METAP1D: variants seen among roughly 807,000 people sequenced by gnomAD.
The protein encoded by METAP1D is methionyl aminopeptidase type 1D, mitochondrial, also known as methionine aminopeptidase 1D, mitochondrial.
Under a neutral mutation model 40.5 loss-of-function variants are expected in METAP1D, and 31 were observed. The observed-to-expected ratio is 0.77, with a 90% CI of 0.58 to 1.03. METAP1D has a LOEUF of 1.03. METAP1D is among the 50% of genes least tolerant of loss of function. METAP1D has a pLI of 0.00. For synonymous variants in METAP1D, 151 were observed against 146.4 expected, an observed-to-expected ratio of 1.03 and a Z score of -0.22; for missense variants, 411 against 420.7, an observed-to-expected ratio of 0.98 and a Z score of 0.20.
chr2:172,075,353 C>A (rs572023154), intron 6 of METAP1D, among the ~76,000 whole-genome samples: 1 of 152,124 alleles, frequency 6.6e-6, no homozygotes, highest in African/African-American at 2.4e-5. Context: ...AGATTTTATC[C>A]GTGAAATGTC....
At chr2:172,026,607 C>T (rs1441970311) in intron 1 of METAP1D, among the ~76,000 whole-genome samples, 1 of 152,216 alleles carries the variant, frequency 6.6e-6, no homozygotes, top group Non-Finnish European at 1.5e-5. Flanking sequence ...CCTACCTAGA[C>T]ATTCTGTTTG....
At chr2:172,049,840 A>G (rs1042109137) in intron 1 of METAP1D, among the ~76,000 whole-genome samples, 6 of 152,156 alleles carry the variant, frequency 3.9e-5, no homozygotes, top group African/African-American at 1.4e-4. Context: ...TTAGGTAGTA[A>G]TTATTGACCT....
At chr2:172,026,854 A>G (rs1689129872) in intron 1 of METAP1D, among the ~76,000 whole-genome samples, 1 of 152,184 alleles carries the variant, frequency 6.6e-6, no homozygotes, top group African/African-American at 2.4e-5. Flanking sequence ...CCAACATCCT[A>G]TCCAGAGGGA....
At chr2:172,017,235 TACAC>T (rs370746234) in intron 1 of METAP1D, among the ~76,000 whole-genome samples, 15,845 of 139,262 alleles carry the variant, frequency 0.11, 1,080 homozygotes, top group Admixed American at 0.19. Flanking sequence ...TGAAAGGTTT[TACAC>T]ACACACACAC....
At chr2:172,069,271 A>T (rs1296538021) in intron 5 of METAP1D, among the ~76,000 whole-genome samples, 2 of 152,338 alleles carry the variant, frequency 1.3e-5, no homozygotes, top group African/African-American at 4.8e-5. Flanking sequence ...AAGATTTTTT[A>T]AAATAGTACA....
chr2:172,005,550 T>A (rs1235490980), intron 1 of METAP1D, among the ~76,000 whole-genome samples: 27 of 88,928 alleles, frequency 3.0e-4, no homozygotes, highest in South Asian at 8.7e-4. Flanking sequence ...ATATATCTTT[T>A]TTTTTTTTTT....
At chr2:172,065,487 C>CT in intron 3 of METAP1D, 117 bp from the exon 4 acceptor site, 2 of 1,014,890 alleles carry the variant, frequency 2.0e-6, no homozygotes, top group East Asian at 4.8e-5. Context: ...TGTACCATAA[C>CT]TTTATCATAG....
intron 1 of METAP1D, among the ~76,000 whole-genome samples, chr2:172,018,086 C>T (rs1688919660): frequency 7.0e-6 from 1 of 143,172 alleles, no homozygotes; most frequent in Non-Finnish European, 1.5e-5. Flanking sequence ...GAGATCGCAC[C>T]ACTGCACTCC....
At chr2:172,051,418 A>T (rs1161863465) in intron 1 of METAP1D, among the ~76,000 whole-genome samples, 1 of 152,214 alleles carries the variant, frequency 6.6e-6, no homozygotes, top group Non-Finnish European at 1.5e-5. Context: ...GGTGGTGTAC[A>T]TTAGTGAATA....
At chr2:172,060,983 T>C (rs1348699880) in intron 1 of METAP1D, among the ~76,000 whole-genome samples, 1 of 152,262 alleles carries the variant, frequency 6.6e-6, no homozygotes, top group Non-Finnish European at 1.5e-5. Context: ...ATTTAGTCTT[T>C]ATCTGACTTG....
intron 1 of METAP1D, among the ~76,000 whole-genome samples, chr2:172,018,613 A>G (rs1688934505): frequency 6.6e-6 from 1 of 152,172 alleles, no homozygotes; most frequent in Non-Finnish European, 1.5e-5. Flanking sequence ...AGAGAATAAA[A>G]CAGAGAGGTC....
At chr2:172,048,566 C>G (rs1390891549) in intron 1 of METAP1D, among the ~76,000 whole-genome samples, 2 of 152,184 alleles carry the variant, frequency 1.3e-5, no homozygotes, top group Non-Finnish European at 1.5e-5. Flanking sequence ...GAAGGCATAT[C>G]TTTTGGAGGA....
intron 1 of METAP1D, among the ~76,000 whole-genome samples, chr2:172,016,174 G>C (rs916137488): frequency 7.0e-6 from 1 of 143,530 alleles, no homozygotes; most frequent in Non-Finnish European, 1.5e-5. Flanking sequence ...TACTTAAGAG[G>C]CTGAGGCAGG....
intron 1 of METAP1D, among the ~76,000 whole-genome samples, chr2:172,004,141 G>T (rs976970545): frequency 3.9e-5 from 6 of 152,074 alleles, no homozygotes; most frequent in African/African-American, 9.7e-5. Context: ...TAAGGCCCTA[G>T]ACTCCTCCAC....
At chr2:172,011,182 T>C (rs534579406) in intron 1 of METAP1D, among the ~76,000 whole-genome samples, 2 of 152,076 alleles carry the variant, frequency 1.3e-5, no homozygotes, top group Admixed American at 6.6e-5. Flanking sequence ...CCACAATCAG[T>C]TTTACATTTT....
rs1273069042 is a variant in METAP1D, at chr2:172,041,726, T to TTTTATATATATATATATATA, written c.41-19771_41-19770insTTATATATATATATATATAT. On this transcript the variant is annotated intron_variant, in intron 1 of 9. Coordinates refer to ENST00000315796, the MANE Select transcript of METAP1D (RefSeq NM_199227.3). ...TTTTAATTTCCTTACTCTAATTATT[T>TTTTATATATATATATATATA]TATATATATATATATATATATATAT... is the stretch of plus-strand genomic sequence containing the variant. 1.1e-4 allele frequency among the ~76,000 whole-genome samples: 4 copies of TTTTATATATATATATATATA among 37,560 alleles called. 1 individual carries two copies. The highest frequency in any genetic ancestry group is 2.6e-4 in the Non-Finnish European group (4 of 15,594). The allele number at this position is 37,560 out of a possible 152,430, so 24.6% of individuals were successfully genotyped here.
At chr2:172,020,616 A>G (rs775520338) in intron 1 of METAP1D, among the ~76,000 whole-genome samples, 1 of 152,248 alleles carries the variant, frequency 6.6e-6, no homozygotes, top group Non-Finnish European at 1.5e-5. Context: ...TTGGGAGTAC[A>G]TCAACACAGA....
At chr2:172,075,028 G>A (rs1456734098) in intron 6 of METAP1D, among the ~76,000 whole-genome samples, 1 of 152,166 alleles carries the variant, frequency 6.6e-6, no homozygotes, top group Non-Finnish European at 1.5e-5. Context: ...GAGTATAACT[G>A]CCTCATGAAA....
intron 1 of METAP1D, among the ~76,000 whole-genome samples, chr2:172,032,763 CA>C (rs919567375): frequency 5.3e-5 from 8 of 152,002 alleles, no homozygotes; most frequent in African/African-American, 1.9e-4. Flanking sequence ...ATATTCTTGC[CA>C]AAAAAATTGA....
Sources: allele counts gnomAD v4.1 joint callset (sites outside exome capture counted in the v4.1 genomes callset), GRCh38; gene constraint gnomAD v4.1.1; transcripts MANE v1.5; gene names NCBI Gene and HGNC (gene_info 2026-07-23, HGNC 2026-07-21).